DIP2C: variants seen among roughly 807,000 people sequenced by gnomAD.
DIP2C encodes DIP2 acetate--CoA ligase C (putative), also known as disco-interacting protein 2 homolog C.
A neutral mutation model predicts 192.4 loss-of-function variants in DIP2C; 33 were observed. The ratio of observed to expected loss-of-function variants is 0.17; its 90% confidence interval spans 0.13 to 0.23. The LOEUF (loss-of-function observed/expected upper bound fraction) is 0.23, where lower values mean the gene tolerates loss of function less well. DIP2C is among the 10% of genes least tolerant of loss of function. The probability of loss-of-function intolerance (pLI) is 1.00; values close to 1 mark genes in which losing one functional copy is unlikely to be tolerated. For missense variants in DIP2C, 1,537 were observed against 2,110.1 expected (o/e 0.73, Z 5.32); for synonymous variants, 979 against 864.1 (o/e 1.13, Z -2.33).
intron 1 of DIP2C, among the ~76,000 whole-genome samples, chr10:550,681 A>G (rs1161199067): frequency 1.3e-5 from 2 of 152,128 alleles, no homozygotes; most frequent in Non-Finnish European, 2.9e-5. Flanking sequence ...CTCCTGTAAA[A>G]TCAGGTGGAG....
At chr10:429,021 C>T (rs1327165466) in intron 4 of DIP2C, among the ~76,000 whole-genome samples, 1 of 152,110 alleles carries the variant, frequency 6.6e-6, no homozygotes, top group Non-Finnish European at 1.5e-5. Context: ...ATACTTGTCA[C>T]AACTGATGCT....
At chr10:598,477 A>G (rs1851851536) in intron 1 of DIP2C, among the ~76,000 whole-genome samples, 1 of 152,234 alleles carries the variant, frequency 6.6e-6, no homozygotes, top group South Asian at 2.1e-4. Flanking sequence ...TGGGAAAGTC[A>G]GTCTCAGTCC....
intron 9 of DIP2C, among the ~76,000 whole-genome samples, chr10:400,239 C>T (rs1304536043): frequency 1.3e-5 from 2 of 152,090 alleles, no homozygotes; most frequent in Non-Finnish European, 2.9e-5. Flanking sequence ...CCCAGGCTGG[C>T]CTCAAACTCC....
chr10:452,560 C>A (rs1017942656), intron 3 of DIP2C, among the ~76,000 whole-genome samples: 1 of 152,206 alleles, frequency 6.6e-6, no homozygotes, highest in Non-Finnish European at 1.5e-5. Flanking sequence ...GAGCATCCGG[C>A]CACTAACATC....
At position 524,560 on chromosome 10, in the gene DIP2C, T is replaced by C. The variant is rs533955565; in HGVS notation, c.86-38030A>G. On this transcript the variant is annotated intron_variant, in intron 1 of 36. Transcript: ENST00000280886. ...GATAAACCATAGTTGAGATTTCAAA[T>C]CTCAAAGATCTCAGAAGCAAATTAC... Among the ~76,000 whole-genome samples, 360 of 152,312 alleles carry C rather than the reference T, an allele frequency of 2.4e-3. 3 individuals are homozygous for C. The highest frequency in any genetic ancestry group is 8.4e-3 in the African/African-American group (349 of 41,564).
intron 1 of DIP2C, among the ~76,000 whole-genome samples, chr10:514,597 G>T (rs1415384885): frequency 6.6e-6 from 1 of 152,168 alleles, no homozygotes; most frequent in Non-Finnish European, 1.5e-5. Flanking sequence ...GGGTTCCAGG[G>T]CTGCCTTGAG....
chr10:352,461 C>A (rs545509837), intron 24 of DIP2C, among the ~76,000 whole-genome samples: 1 of 152,278 alleles, frequency 6.6e-6, no homozygotes, highest in African/African-American at 2.4e-5. Context: ...GAGGACGGTG[C>A]CCTTCTCAGG....
At chr10:477,753 AGG>A (rs1377770883) in intron 2 of DIP2C, among the ~76,000 whole-genome samples, 22 of 103,638 alleles carry the variant, frequency 2.1e-4, no homozygotes, top group Non-Finnish European at 3.3e-4. Flanking sequence ...GAGAAAGAAA[AGG>A]AGAGAGAAGA....
chr10:300,453 T>C (rs544781805), intron 32 of DIP2C, among the ~76,000 whole-genome samples: 1 of 152,052 alleles, frequency 6.6e-6, no homozygotes. Flanking sequence ...GTCAAATTCA[T>C]AGACAAAGTA....
At chr10:413,291 A>C (rs1965303693) in intron 8 of DIP2C, among the ~76,000 whole-genome samples, 1 of 152,216 alleles carries the variant, frequency 6.6e-6, no homozygotes, top group Non-Finnish European at 1.5e-5. Context: ...AATTGTACTG[A>C]AGACTTAAGG....
chr10:348,529 A>G, intron 26 of DIP2C, 112 bp downstream of exon 26: 2 of 1,516,072 alleles, frequency 1.3e-6, no homozygotes, highest in African/African-American at 1.4e-5. Flanking sequence ...CTCCAGACAC[A>G]CCCCGGCTTC....
rs117731260 is a variant in DIP2C, at chr10:417,300, G to A, written c.740-1412C>T. Among the ~76,000 whole-genome samples, 5 of 152,276 alleles carry A rather than the reference G, an allele frequency of 3.3e-5. No homozygotes were observed. In the East Asian group the frequency reaches 5.8e-4, roughly 18 times the overall value. ...GCCCCTGTGGGATTCTGGTGTGGGA[G>A]GCTATGACACGCCGAGACAGCACAA... On this transcript the variant is annotated intron_variant, in intron 6 of 36. Coordinates refer to ENST00000280886, the MANE Select transcript of DIP2C (RefSeq NM_014974.3).
intron 1 of DIP2C, among the ~76,000 whole-genome samples, chr10:553,725 G>T (rs1384270707): frequency 6.6e-6 from 1 of 151,898 alleles, no homozygotes; most frequent in African/African-American, 2.4e-5. Context: ...TAGGAGAAAA[G>T]GTATAGCTTG....
chr10:530,471 C>G (rs1436459713), intron 1 of DIP2C, among the ~76,000 whole-genome samples: 1 of 151,946 alleles, frequency 6.6e-6, no homozygotes, highest in Admixed American at 6.6e-5. Flanking sequence ...CAAGGCCAAC[C>G]AGCCTGCTTG....
At chr10:477,652 A>C (rs1314489641) in intron 2 of DIP2C, among the ~76,000 whole-genome samples, 1 of 138,730 alleles carries the variant, frequency 7.2e-6, no homozygotes, top group Non-Finnish European at 1.6e-5. Flanking sequence ...GAGAAGAAAA[A>C]TAGATGAACA....
intron 1 of DIP2C, among the ~76,000 whole-genome samples, chr10:520,643 C>G (rs1258711100): frequency 6.6e-6 from 1 of 152,174 alleles, no homozygotes; most frequent in Admixed American, 6.5e-5. Context: ...CAGCTCCTTC[C>G]GCACTCCCCC....
At chr10:435,467 T>C (rs1297291410) in intron 4 of DIP2C, among the ~76,000 whole-genome samples, 3 of 152,204 alleles carry the variant, frequency 2.0e-5, no homozygotes, top group Non-Finnish European at 4.4e-5. Context: ...CCTGGACGTT[T>C]TAACTCTCAG....
chr10:385,248 G>A (rs774378809), intron 14 of DIP2C, among the ~76,000 whole-genome samples: 45 of 152,072 alleles, frequency 3.0e-4, no homozygotes, highest in Non-Finnish European at 5.9e-4. Flanking sequence ...GCTCCTCAGT[G>A]TGGGAATGGC....
At chr10:526,420 T>A (rs1161830325) in intron 1 of DIP2C, among the ~76,000 whole-genome samples, 1 of 151,940 alleles carries the variant, frequency 6.6e-6, no homozygotes, top group East Asian at 1.9e-4. Flanking sequence ...CATACCACTG[T>A]AGAGACTAAT....
Sources: gnomAD v4.1 joint callset for allele counts (sites outside exome capture counted in the v4.1 genomes callset) on GRCh38, gnomAD v4.1.1 for gene constraint, MANE v1.5 for transcripts, NCBI Gene and HGNC (gene_info 2026-07-23, HGNC 2026-07-21) for gene names.